Variants in ULK2 observed in about 807,000 individuals in gnomAD.
ULK2 encodes serine/threonine-protein kinase ULK2.
Under a neutral mutation model 127.5 loss-of-function variants are expected in ULK2, and 76 were observed. The ratio of observed to expected loss-of-function variants is 0.60; its 90% CI spans 0.50 to 0.72. The LOEUF (loss-of-function observed/expected upper bound fraction) is 0.72, where lower values mean the gene tolerates loss of function less well. Among genes scored for constraint, ULK2 ranks in the 30% least tolerant of loss-of-function variants. The probability of loss-of-function intolerance (pLI) is 0.00; values close to 1 mark genes in which losing one functional copy is unlikely to be tolerated. For synonymous variants in ULK2, 452 were observed against 461.9 expected (o/e 0.98, Z 0.28); for missense variants, 1,144 against 1,295.9 (o/e 0.88, Z 1.80).
In ULK2 at chr17:19,796,121, C is replaced by T. The variant is rs1318000105; in HGVS notation, c.1971G>A (p.Glu657=). Residue 657 remains glutamate, a synonymous_variant, in exon 19 of 27, where the codon GAG becomes GAA. Transcript: ENST00000395544. ...LVQGSERQRA[E]QQSKAVFGRS... ...TGCCAAACACTGCCTTGCTCTGCTG[C>T]TCGGCCCGCTGCCTCTCACTTCCTT... 5.0e-6 allele frequency: 8 copies of T among 1,613,364 alleles called. No individual in the cohort carries two copies. The highest frequency in any genetic ancestry group is 5.9e-6 in the Non-Finnish European group (7 of 1,179,736).
At chr17:19,824,518 A>AG (rs1387549845) in intron 12 of ULK2, among the ~76,000 whole-genome samples, 1 of 148,662 alleles carries the variant, frequency 6.7e-6, no homozygotes, top group African/African-American at 2.5e-5. Context: ...TAGAGTGACC[A>AG]GAAGGCCTCA....
intron 7 of ULK2, among the ~76,000 whole-genome samples, chr17:19,843,730 C>T (rs2041819410): frequency 6.6e-6 from 1 of 150,734 alleles, no homozygotes; most frequent in Non-Finnish European, 1.5e-5. Flanking sequence ...GTGATCTCGG[C>T]TCACTGCAAC....
At chr17:19,781,225 C>A (rs878938198) in intron 23 of ULK2, 121 bp from the exon 24 acceptor site, 184 of 541,790 alleles carry the variant, frequency 3.4e-4, no homozygotes, top group Non-Finnish European at 5.0e-4. Flanking sequence ...TCTTTGATTT[C>A]TTTTCTTCTT....
chr17:19,864,757 T>TA (rs767973867), intron 3 of ULK2, 46 bp downstream of exon 3: 168 of 909,764 alleles, frequency 1.8e-4, no homozygotes, highest in Non-Finnish European at 2.3e-4. Flanking sequence ...TGTATGAAAT[T>TA]AAAAAAAATT....
chr17:19,843,505 C>T (rs540297291), intron 7 of ULK2, among the ~76,000 whole-genome samples: 22 of 151,754 alleles, frequency 1.4e-4, no homozygotes, highest in African/African-American at 5.3e-4. Context: ...AGTAAGAGGG[C>T]CGAAAGAGTA....
At position 19,855,721 on chromosome 17, in the gene ULK2, T is replaced by TACA. The variant is rs533834814; in HGVS notation, c.226-5948_226-5947insTGT. 100 of 152,338 alleles carry TACA rather than the reference T, an allele frequency of 6.6e-4. 1 individual carries two copies. The highest frequency in any genetic ancestry group is 2.4e-3 in the African/African-American group (99 of 41,560). The allele number at this position is 152,338 out of a possible 1,614,324, so 9.4% of individuals were successfully genotyped here. A position where few individuals can be genotyped will look rare whatever the true frequency, so the allele number is the denominator to read the frequency against. On this transcript the variant is annotated intron_variant, in intron 3 of 26. Coordinates refer to ENST00000395544, the MANE Select transcript of ULK2 (RefSeq NM_014683.4). The stretch of plus-strand genomic sequence containing the variant: ...AGAGCTATCAACTCTGATTCCCTCT[T>TACA]GTTTACCTCCTACAGTCCAAGTGCC...
In ULK2 at chr17:19,797,537, C is replaced by T. The variant is rs62636609; in HGVS notation, c.1668G>A (p.Gly556=). Residue 556 remains glycine (G), a synonymous_variant, in exon 18 of 27, where the codon GGG becomes GGA. Coordinates refer to ENST00000395544, the MANE Select transcript of ULK2 (RefSeq NM_014683.4). ...GCTGAGGCGAGTAGCTGTACCCAGC[C>T]CCAGTATGGGATGGGCACACGGGGT... ...HSDPVCPSHT[G]AGYSYSPQPS... 2,324 of 1,613,866 alleles carry T rather than the reference C, an allele frequency of 1.4e-3. 29 individuals are homozygous for T. The African/African-American group carries it at 0.027, about 18-fold the overall frequency.
rs186526614 is a variant in ULK2, at chr17:19,782,232, G to A, written c.2461-165C>T. Among the ~76,000 whole-genome samples the A allele has an allele frequency of 3.4e-3, 517 of 152,308 alleles. 6 individuals are homozygous for A. The highest frequency in any genetic ancestry group is 0.027 in the Middle Eastern group (8 of 294). Reference sequence around the variant, plus strand: ...AATTTCAGAAAGCTGGTAAGAAAATGAACACAAATGAAACCAAATATAGGT... The same window carrying A: ...AATTTCAGAAAGCTGGTAAGAAAATAAACACAAATGAAACCAAATATAGGT... On this transcript the variant is annotated intron_variant, in intron 22 of 26. Coordinates refer to ENST00000395544, the MANE Select transcript of ULK2 (RefSeq NM_014683.4).
At chr17:19,813,553 A>G (rs2040894263) in intron 13 of ULK2, among the ~76,000 whole-genome samples, 1 of 152,212 alleles carries the variant, frequency 6.6e-6, no homozygotes, top group Admixed American at 6.5e-5. Context: ...TGTATGATAC[A>G]TTTCACAATA....
intron 26 of ULK2, 116 bp from the exon 27 acceptor site, chr17:19,776,523 G>T: frequency 2.0e-6 from 2 of 991,646 alleles, no homozygotes; most frequent in East Asian, 3.0e-5. Context: ...CTTTCTGCTT[G>T]GTAATAGTTT....
chr17:19,803,997 T>G (rs1271252868), intron 15 of ULK2, among the ~76,000 whole-genome samples: 3 of 152,204 alleles, frequency 2.0e-5, no homozygotes, highest in African/African-American at 7.2e-5. Flanking sequence ...TGCATACTTA[T>G]GTCTGCCATG....
chr17:19,806,132 A>C (rs1181679124), intron 14 of ULK2, among the ~76,000 whole-genome samples: 2 of 152,208 alleles, frequency 1.3e-5, no homozygotes, highest in African/African-American at 4.8e-5. Context: ...GTACTTCACT[A>C]ATCAGCTCTG....
At chr17:19,776,982 C>G (rs2086823508) in intron 26 of ULK2, among the ~76,000 whole-genome samples, 1 of 152,170 alleles carries the variant, frequency 6.6e-6, no homozygotes, top group African/African-American at 2.4e-5. Context: ...ACCTGTAATC[C>G]TCACAACAAC....
At chr17:19,824,361 C>T (rs1047970911) in intron 12 of ULK2, among the ~76,000 whole-genome samples, 7 of 147,128 alleles carry the variant, frequency 4.8e-5, no homozygotes, top group Middle Eastern at 3.5e-3. Flanking sequence ...CTGGGAGAAT[C>T]GCTTAAACCC....
chr17:19,844,956 T>G (rs918648525), intron 7 of ULK2, among the ~76,000 whole-genome samples: 1 of 152,198 alleles, frequency 6.6e-6, no homozygotes, highest in Non-Finnish European at 1.5e-5. Context: ...ATCCTACAGC[T>G]GAAGAAGTGC....
rs1255866337 is a variant in ULK2, at chr17:19,771,527, C to G, written c.*4822G>C. The G allele has an allele frequency of 1.3e-5, 2 of 152,376 alleles. No homozygotes were observed. Among genetic ancestry groups the G allele is most frequent in the African/African-American group, 2.4e-5 (1 of 41,468 alleles). The allele number at this position is 152,376 out of a possible 1,614,324, so 9.4% of individuals were successfully genotyped here. On this transcript the variant is annotated 3_prime_UTR_variant, in exon 27 of 27. Transcript: ENST00000395544. ...CACAGAACAAATTGTTCTCCACCCCCTCCCAAAACAAAACAAAAGCAGTGA... is the reference window on the plus strand; with the variant it reads ...CACAGAACAAATTGTTCTCCACCCCGTCCCAAAACAAAACAAAAGCAGTGA...
Position 19,777,662 on chromosome 17 carries a change from G to A in ULK2, c.2971C>T (p.Arg991Cys), listed in dbSNP as rs372499912. ...MFQQTEDIVY[R>C]YHKAALLLEG... is the part of the protein sequence containing the mutation. ...AAAAGAAGGGCTGCCTTATGATAGC[G>A]ATAAACAATATCTTCGGTCTGCTGA... The change falls in exon 26 of 27, where the codon CGC (arginine) becomes TGC (cysteine). Residue 991 changes from arginine to cysteine, a missense_variant. Arg to Cys is a radical substitution (Grantham distance 180). Transcript: ENST00000395544. The A allele has an allele frequency of 3.0e-5, 49 of 1,614,074 alleles. No individual in the cohort carries two copies. The highest frequency in any genetic ancestry group is 7.7e-5 in the South Asian group (7 of 91,074).
intron 12 of ULK2, among the ~76,000 whole-genome samples, chr17:19,819,267 T>C (rs904874672): frequency 3.9e-5 from 6 of 152,196 alleles, no homozygotes; most frequent in African/African-American, 1.4e-4. Flanking sequence ...TTAAGGTACT[T>C]GAACTTTTTG....
chr17:19,807,456 T>G (rs1461845739), intron 14 of ULK2, among the ~76,000 whole-genome samples: 1 of 152,216 alleles, frequency 6.6e-6, no homozygotes, highest in African/African-American at 2.4e-5. Flanking sequence ...CTAACTCCCA[T>G]GCCTATGCCT....
Sources: gnomAD v4.1 joint callset for allele counts (sites outside exome capture counted in the v4.1 genomes callset) on GRCh38, gnomAD v4.1.1 for gene constraint, MANE v1.5 for transcripts, NCBI Gene and HGNC (gene_info 2026-07-23, HGNC 2026-07-21) for gene names.